CSMD1: variants seen among roughly 807,000 people sequenced by gnomAD.
CSMD1 encodes CUB and Sushi multiple domains 1, also known as CUB and sushi domain-containing protein 1.
Under a neutral mutation model 417.5 loss-of-function variants are expected in CSMD1, and 213 were observed. The observed-to-expected ratio is 0.51, with a 90% confidence interval of 0.46 to 0.57. The LOEUF (loss-of-function observed/expected upper bound fraction) is 0.57, where lower values mean the gene tolerates loss of function less well. Ranked by LOEUF, CSMD1 falls within the 20% of genes least tolerant of loss-of-function variation. The probability of loss-of-function intolerance (pLI) is 0.00; values close to 1 mark genes in which losing one functional copy is unlikely to be tolerated. For missense variants in CSMD1, 6,923 were observed against 4,529.7 expected (o/e 1.53, Z -15.17); for synonymous variants, 2,862 against 1,736.8 (o/e 1.65, Z -16.11).
rs549127590 is a variant in CSMD1, at chr8:4,411,712, A to G, written c.415+8241T>C. 4.3e-4 allele frequency among the ~76,000 whole-genome samples: 66 copies of G among 152,292 alleles called. 1 individual carries two copies. Among genetic ancestry groups the G allele is most frequent in the South Asian group, 3.3e-3 (16 of 4,824 alleles). The stretch of plus-strand genomic sequence containing the variant: ...TCTGAATGCTCACGAAAGCATATAT[A>G]TATGTGTGCTATGTATTTGTACATA... On this transcript the variant is annotated intron_variant, in intron 3 of 69. Coordinates refer to ENST00000635120, the MANE Select transcript of CSMD1 (RefSeq NM_033225.6).
At chr8:4,320,474 C>T (rs757519160) in intron 3 of CSMD1, among the ~76,000 whole-genome samples, 4 of 152,092 alleles carry the variant, frequency 2.6e-5, no homozygotes, top group Non-Finnish European at 5.9e-5. Flanking sequence ...CTGCGATCTA[C>T]ATTAGATATT....
At chr8:4,583,721 A>G (rs1206702997) in intron 2 of CSMD1, among the ~76,000 whole-genome samples, 1 of 152,130 alleles carries the variant, frequency 6.6e-6, no homozygotes, top group Non-Finnish European at 1.5e-5. Context: ...TAAACACACC[A>G]GTCAGCACCC....
At chr8:3,371,236 G>A (rs1383405078) in intron 18 of CSMD1, among the ~76,000 whole-genome samples, 1 of 152,112 alleles carries the variant, frequency 6.6e-6, no homozygotes, top group African/African-American at 2.4e-5. Context: ...ATAAATCCTG[G>A]TTCTGTTTCT....
At chr8:3,492,525 G>A (rs956290822) in intron 11 of CSMD1, among the ~76,000 whole-genome samples, 3 of 152,140 alleles carry the variant, frequency 2.0e-5, no homozygotes, top group Admixed American at 1.3e-4. Flanking sequence ...TATCTGTGGA[G>A]TTGCAAAGGC....
chr8:4,149,885 T>C (rs562908064), intron 3 of CSMD1, among the ~76,000 whole-genome samples: 1 of 152,324 alleles, frequency 6.6e-6, no homozygotes, highest in Non-Finnish European at 1.5e-5. Context: ...CTGACCCAGG[T>C]CCACTCTAAT....
intron 7 of CSMD1, among the ~76,000 whole-genome samples, chr8:3,631,560 G>T (rs1307547190): frequency 6.6e-6 from 1 of 152,218 alleles, no homozygotes; most frequent in African/African-American, 2.4e-5. Context: ...TTTGCAAACA[G>T]TTTGAAATGA....
At chr8:3,626,021 A>G (rs568715111) in intron 7 of CSMD1, among the ~76,000 whole-genome samples, 3 of 152,364 alleles carry the variant, frequency 2.0e-5, no homozygotes, top group Non-Finnish European at 2.9e-5. Context: ...CTATAAAGTC[A>G]GTGTAAATGA....
At chr8:3,263,727 A>C (rs2117105510) in intron 26 of CSMD1, among the ~76,000 whole-genome samples, 1 of 152,308 alleles carries the variant, frequency 6.6e-6, no homozygotes, top group Admixed American at 6.5e-5. Context: ...TATCCCAATT[A>C]AGTTCTTAAG....
chr8:3,443,994 G>A (rs906881483), intron 12 of CSMD1, among the ~76,000 whole-genome samples: 34 of 152,220 alleles, frequency 2.2e-4, no homozygotes, highest in African/African-American at 7.7e-4. Flanking sequence ...ATATACAATG[G>A]AAGACATGAG....
chr8:4,384,169 CTAAG>C (rs1330633632), intron 3 of CSMD1, among the ~76,000 whole-genome samples: 2 of 152,128 alleles, frequency 1.3e-5, no homozygotes, highest in Non-Finnish European at 2.9e-5. Context: ...CCAGGATTCT[CTAAG>C]AAAGACATCC....
intron 20 of CSMD1, among the ~76,000 whole-genome samples, chr8:3,364,176 G>C (rs182855626): frequency 9.9e-4 from 151 of 152,036 alleles, no homozygotes; most frequent in South Asian, 2.3e-3. Context: ...AAACTCCATG[G>C]TATCAGTGTC....
chr8:3,533,427 T>C (rs1046326679), intron 10 of CSMD1, among the ~76,000 whole-genome samples: 1 of 152,204 alleles, frequency 6.6e-6, no homozygotes, highest in African/African-American at 2.4e-5. Context: ...TTTGACTCTG[T>C]CAGCGTCTAT....
intron 4 of CSMD1, among the ~76,000 whole-genome samples, chr8:4,014,374 T>C (rs75684371): frequency 0.017 from 2,610 of 152,312 alleles, 86 homozygotes; most frequent in African/African-American, 0.06. Flanking sequence ...AATCAAATTA[T>C]GTCAATGCAC....
At chr8:3,280,193 C>A (rs919187045) in intron 26 of CSMD1, among the ~76,000 whole-genome samples, 18 of 149,558 alleles carry the variant, frequency 1.2e-4, no homozygotes, top group Non-Finnish European at 2.1e-4. Context: ...TCGAGAGCCA[C>A]AGAGTAGTTA....
At position 4,638,444 on chromosome 8, in the gene CSMD1, G is replaced by C. The variant is rs115137640; in HGVS notation, c.86-886C>G. Among the ~76,000 whole-genome samples the C allele has an allele frequency of 2.5e-3, 373 of 152,226 alleles. 3 individuals are homozygous for C. The highest frequency in any genetic ancestry group is 8.7e-3 in the African/African-American group (361 of 41,562). On this transcript the variant is annotated intron_variant, in intron 1 of 69. Transcript: ENST00000635120. ...GAAGCTTATCAAGTTGAAAATAAAA[G>C]ACATAAAACAAGGTAAGTTAAATGA... is the stretch of plus-strand genomic sequence containing the variant.
intron 3 of CSMD1, among the ~76,000 whole-genome samples, chr8:4,331,498 A>G (rs1164675336): frequency 6.6e-6 from 1 of 152,098 alleles, no homozygotes; most frequent in Non-Finnish European, 1.5e-5. Flanking sequence ...TGTAATTCAA[A>G]CATGTTTCAG....
chr8:4,727,832 ATATC>A (rs1809559753), intron 1 of CSMD1, among the ~76,000 whole-genome samples: 1 of 150,136 alleles, frequency 6.7e-6, no homozygotes. Context: ...TGGGATATAT[ATATC>A]TATTATATAT....
chr8:4,938,797 A>G (rs1807791667), intron 1 of CSMD1, among the ~76,000 whole-genome samples: 1 of 152,154 alleles, frequency 6.6e-6, no homozygotes, highest in African/African-American at 2.4e-5. Context: ...ATGCTTTTTT[A>G]TATTTCATAT....
At chr8:3,880,464 A>G (rs1806132689) in intron 5 of CSMD1, among the ~76,000 whole-genome samples, 1 of 152,222 alleles carries the variant, frequency 6.6e-6, no homozygotes, top group Non-Finnish European at 1.5e-5. Context: ...TTCTTGAGAT[A>G]TCTCGCTGCT....
Sources: allele counts gnomAD v4.1 joint callset (sites outside exome capture counted in the v4.1 genomes callset), GRCh38; gene constraint gnomAD v4.1.1; transcripts MANE v1.5; gene names NCBI Gene and HGNC (gene_info 2026-07-23, HGNC 2026-07-21).